The following C3orf18 variants were observed in gnomAD, a reference collection of about 807,000 sequenced individuals.
The protein encoded by C3orf18 is chromosome 3 open reading frame 18.
In C3orf18, 12 loss-of-function variants were observed where a neutral mutation model predicts 14.1. That is an observed-to-expected ratio of 0.85 (90% CI 0.55 to 1.38). The LOEUF (loss-of-function observed/expected upper bound fraction) is 1.38, where lower values mean the gene tolerates loss of function less well. Among genes scored for constraint, C3orf18 ranks in the 40% most tolerant of loss-of-function variants. C3orf18 has a pLI of 0.00. For missense variants in C3orf18, 196 were observed against 213.9 expected, an observed-to-expected ratio of 0.92 and a Z score of 0.52; for synonymous variants, 82 against 87.9, an observed-to-expected ratio of 0.93 and a Z score of 0.38.
At chr3:50,570,219 C>T (rs1327203333), upstream of C3orf18, 1 of 152,218 alleles carries the variant, frequency 6.6e-6, no homozygotes, top group Non-Finnish European at 1.5e-5. Flanking sequence ...GAAGATGTGG[C>T]ACTTAGCAGG....
Position 50,558,690 on chromosome 3 carries a change from T to A in C3orf18, c.*967A>T, listed in dbSNP as rs969769017. On this transcript the variant is annotated 3_prime_UTR_variant, in exon 6 of 6. Transcript: ENST00000357203. ...TAGAGCCCAAGACAGGGAGCCGTTTTCAGAAGCAGGTGAGCCCAGTGAAAC... is the reference window on the plus strand; with the variant it reads ...TAGAGCCCAAGACAGGGAGCCGTTTACAGAAGCAGGTGAGCCCAGTGAAAC... The A allele has an allele frequency of 1.3e-5, 17 of 1,286,196 alleles. No individual in the cohort carries two copies. The highest frequency in any genetic ancestry group is 1.7e-5 in the Non-Finnish European group (17 of 986,364). 79.7% of individuals were successfully genotyped at this position (1,286,196 alleles called of 1,614,324 possible).
rs1329976168 is a variant in C3orf18 at position 50,559,670 on chromosome 3, G to C, written c.476C>G (p.Ala159Gly). 1.9e-6 allele frequency: 3 copies of C among 1,589,128 alleles called. No homozygotes were observed. The highest frequency in any genetic ancestry group is 1.8e-5 in the Admixed American group (1 of 56,706). ...SRLVFTDVAN[A>G]IHA ...GTCCCAGGCCACTCACGCATGGATG[G>C]CATTGGCCACATCGGTAAACACCAG... The change falls in exon 6 of 6, where the codon GCC becomes GGC. Residue 159 changes from alanine to glycine, a missense_variant. Coordinates refer to ENST00000357203, the MANE Select transcript of C3orf18 (RefSeq NM_016210.5).
chr3:50,562,475 A>G (rs1410833147), intron 3 of C3orf18: 1 of 454,414 alleles, frequency 2.2e-6, no homozygotes, highest in Admixed American at 2.3e-5. Context: ...AAGTAAAGGG[A>G]CCCGGTAAGG....
chr3:50,562,935 A>C (rs540776299), intron 3 of C3orf18, among the ~76,000 whole-genome samples: 106 of 152,276 alleles, frequency 7.0e-4, no homozygotes, highest in African/African-American at 2.4e-3. Flanking sequence ...GAAGTGGGTA[A>C]GACTTGGGGG....
At position 50,565,366 on chromosome 3, in the gene C3orf18, C is replaced by G; in HGVS notation, c.234+100G>C. ...TGCATGACAGAGCAAGACTCTGTCTCAAAAACAACAATAACAACAACCAGA... is the reference window on the plus strand; with the variant it reads ...TGCATGACAGAGCAAGACTCTGTCTGAAAAACAACAATAACAACAACCAGA... On this transcript the variant is annotated intron_variant, in intron 3 of 5. Transcript: ENST00000357203. This position sits in a 1 kb window ranked among gnomAD's most constrained non-coding sequence, Gnocchi z 4.4. 1.0e-6 allele frequency: 1 copy of G among 969,066 alleles called. No individual in the cohort carries two copies. The highest frequency in any genetic ancestry group is 1.6e-6 in the Non-Finnish European group (1 of 639,416). The allele number at this position is 969,066 out of a possible 1,614,324, so 60.0% of individuals were successfully genotyped here. A position where few individuals can be genotyped will look rare whatever the true frequency, so the allele number is the denominator to read the frequency against.
chr3:50,567,389 C>G (rs1373701238), intron 1 of C3orf18, 74 bp downstream of exon 1: 1 of 152,584 alleles, frequency 6.6e-6, no homozygotes, highest in Non-Finnish European at 1.5e-5. Flanking sequence ...CCTCCCTGCC[C>G]CAATCCCCAT....
intron 3 of C3orf18, chr3:50,562,734 G>T (rs1267221311): frequency 2.8e-6 from 1 of 350,976 alleles, no homozygotes; most frequent in Non-Finnish European, 5.6e-6. Flanking sequence ...GTAGGGGTGG[G>T]GGACTGGAGC....
At chr3:50,571,943 G>T, upstream of C3orf18, 2 of 1,291,358 alleles carry the variant, frequency 1.5e-6, no homozygotes, top group Non-Finnish European at 1.1e-6. Flanking sequence ...GAGTGGGGCC[G>T]GGGTACTGAA....
chr3:50,571,687 A>T, upstream of C3orf18: 1 of 1,612,028 alleles, frequency 6.2e-7, no homozygotes. Flanking sequence ...TGAGCCAGCC[A>T]CTTATATTCT....
chr3:50,573,633 T>G (rs1038493066), upstream of C3orf18, among the ~76,000 whole-genome samples: 2 of 152,228 alleles, frequency 1.3e-5, no homozygotes, highest in Admixed American at 6.5e-5. Flanking sequence ...GGTGCTCATC[T>G]TGCTGTGCAG....
chr3:50,570,577 G>A (rs1239794629), upstream of C3orf18: 1 of 152,308 alleles, frequency 6.6e-6, no homozygotes, highest in Non-Finnish European at 1.5e-5. Context: ...CCATGGGTTT[G>A]GTGTGATTTT....
chr3:50,560,585 G>A (rs1454706342), intron 5 of C3orf18, among the ~76,000 whole-genome samples: 3 of 152,318 alleles, frequency 2.0e-5, no homozygotes, highest in African/African-American at 7.2e-5. Context: ...TAACCAGTAC[G>A]TGGGGGCACA....
Position 50,567,705 on chromosome 3 carries a change from G to A in C3orf18, c.-494C>T, listed in dbSNP as rs1409209838. 1 of 152,288 alleles carries A rather than the reference G, an allele frequency of 6.6e-6. No individual in the cohort carries two copies. The highest frequency in any genetic ancestry group is 1.5e-5 in the Non-Finnish European group (1 of 68,066). The allele number at this position is 152,288 out of a possible 1,614,324, so 9.4% of individuals were successfully genotyped here. A position where few individuals can be genotyped will look rare whatever the true frequency, so the allele number is the denominator to read the frequency against. On this transcript the variant is annotated 5_prime_UTR_variant, in exon 1 of 6. Transcript: ENST00000357203. Reference sequence around the variant, plus strand: ...TAGGGCCGGGACCCACGGCGGAGGTGGGGCCGGGCCGAGCAGCCTCGGGGG... The same window carrying A: ...TAGGGCCGGGACCCACGGCGGAGGTAGGGCCGGGCCGAGCAGCCTCGGGGG...
chr3:50,558,867 T>C lies in C3orf18; in HGVS notation c.*790A>G, dbSNP rs910408547. On this transcript the variant is annotated 3_prime_UTR_variant, in exon 6 of 6. Transcript: ENST00000357203. ...GAGGGTGGGGCCAGTGTGGACAATCTCATTCTGCCCGCTGTGCTGGGACAG... is the reference window on the plus strand; with the variant it reads ...GAGGGTGGGGCCAGTGTGGACAATCCCATTCTGCCCGCTGTGCTGGGACAG... 4 of 1,289,644 alleles carry C rather than the reference T, an allele frequency of 3.1e-6. No homozygotes were observed. The African/African-American group carries it at 6.1e-5, about 20-fold the overall frequency. The allele number at this position is 1,289,644 out of a possible 1,614,324, so 79.9% of individuals were successfully genotyped here.
chr3:50,572,212 G>C (rs375510780), upstream of C3orf18: 15 of 1,609,548 alleles, frequency 9.3e-6, no homozygotes, highest in Non-Finnish European at 1.3e-5. Flanking sequence ...AACAGAGGTA[G>C]GTGTGCCACC....
In C3orf18 at chr3:50,559,381, C is replaced by T. The variant is rs1266815789; in HGVS notation, c.*276G>A. The T allele has an allele frequency of 7.5e-7, 1 of 1,342,172 alleles. No individual in the cohort carries two copies. The highest frequency in any genetic ancestry group is 9.6e-7 in the Non-Finnish European group (1 of 1,041,736). The allele number at this position is 1,342,172 out of a possible 1,614,324, so 83.1% of individuals were successfully genotyped here. A position where few individuals can be genotyped will look rare whatever the true frequency, so the allele number is the denominator to read the frequency against. ...GGATCTGGACAGGGGATGAGGAAGC[C>T]AGCAGAGGCTCTTGACCTTCTCAGC... On this transcript the variant is annotated 3_prime_UTR_variant, in exon 6 of 6. Transcript: ENST00000357203.
chr3:50,566,762 G>C (rs978882477), intron 1 of C3orf18, among the ~76,000 whole-genome samples: 3 of 152,154 alleles, frequency 2.0e-5, no homozygotes, highest in African/African-American at 2.4e-5. Flanking sequence ...GGAGAAAGGC[G>C]AGGCAGGAAT....
At chr3:50,571,555 G>A (rs1486403601), upstream of C3orf18, 3 of 773,336 alleles carry the variant, frequency 3.9e-6, no homozygotes, top group South Asian at 4.6e-5. Context: ...GGTGTTAGCT[G>A]TGTAACCTTA....
chr3:50,562,205 C>A (rs1429492848), intron 3 of C3orf18, among the ~76,000 whole-genome samples: 1 of 152,194 alleles, frequency 6.6e-6, no homozygotes, highest in African/African-American at 2.4e-5. Flanking sequence ...CCCCATGCCT[C>A]CTTTTGACAT....
Sources: allele counts gnomAD v4.1 joint callset (sites outside exome capture counted in the v4.1 genomes callset), GRCh38; gene constraint gnomAD v4.1.1; non-coding constraint Gnocchi (gnomAD v3.1); transcripts MANE v1.5; gene names NCBI Gene and HGNC (gene_info 2026-07-23, HGNC 2026-07-21).